The following SGCG variants were observed in gnomAD, a reference collection of about 807,000 sequenced individuals.
The protein encoded by SGCG is sarcoglycan gamma, also known as gamma-sarcoglycan.
Under a neutral mutation model 29.3 loss-of-function variants are expected in SGCG, and 26 were observed. That is an observed-to-expected ratio of 0.89 (90% CI 0.65 to 1.23). SGCG has a LOEUF of 1.23. Among genes scored for constraint, SGCG ranks in the 50% most tolerant of loss-of-function variants. The pLI, the probability that SGCG is intolerant of heterozygous loss-of-function variation, is 0.00. For synonymous variants in SGCG, 145 were observed against 129.7 expected (o/e 1.12, Z -0.80); for missense variants, 353 against 356.0 (o/e 0.99, Z 0.07).
chr13:23,168,979 C>G, the SGCG span, among the ~76,000 whole-genome samples: 1 of 151,858 alleles, frequency 6.6e-6, no homozygotes, highest in East Asian at 1.9e-4. Flanking sequence ...AATCATCATT[C>G]TTAGATTTGT....
intron 4 of SGCG, among the ~76,000 whole-genome samples, chr13:23,276,426 G>GTTTTTTTTTTTTT (rs757414154): frequency 1.5e-5 from 1 of 65,818 alleles, no homozygotes; most frequent in Non-Finnish European, 4.0e-5. Context: ...TTCTTTTTTA[G>GTTTTTTTTTTTTT]TTTTCTTTTT....
chr13:23,165,336 T>C, the SGCG span, among the ~76,000 whole-genome samples: 1 of 152,146 alleles, frequency 6.6e-6, no homozygotes, highest in Non-Finnish European at 1.5e-5. Context: ...TATTCTCAAG[T>C]CCATAATTAT....
rs752310028 is a variant in SGCG, at chr13:23,203,866, C to T, written c.172C>T (p.Leu58Phe). 1 of 1,612,782 alleles carries T rather than the reference C, an allele frequency of 6.2e-7. No homozygotes were observed. Among genetic ancestry groups the T allele is most frequent in the Non-Finnish European group, 8.5e-7 (1 of 1,178,738 alleles). The change falls in exon 2 of 8, where the codon CTT becomes TTT. Residue 58 changes from leucine (L) to phenylalanine (F), a missense_variant. By Grantham distance (22) the Leu-to-Phe change is conservative. Transcript: ENST00000218867. The stretch of plus-strand genomic sequence containing the variant: ...GAATTTAGCTCTTACAATTTGGATT[C>T]TTAAAGTGATGTGGTTTTCTCCAGT... ...VVNLALTIWI[L>F]KVMWFSPAGM...
At chr13:23,211,715 A>G (rs575502018) in intron 2 of SGCG, among the ~76,000 whole-genome samples, 1 of 152,218 alleles carries the variant, frequency 6.6e-6, no homozygotes. Flanking sequence ...TTACCTCTGC[A>G]GTCTTGTTCT....
At chr13:23,261,257 T>A (rs1216477380) in intron 4 of SGCG, among the ~76,000 whole-genome samples, 6 of 151,110 alleles carry the variant, frequency 4.0e-5, no homozygotes, top group South Asian at 2.1e-4. Flanking sequence ...ATTTTTTTTT[T>A]AATTTCAGTT....
chr13:23,256,884 G>A (rs1282727883), intron 4 of SGCG, among the ~76,000 whole-genome samples: 2 of 152,150 alleles, frequency 1.3e-5, no homozygotes, highest in African/African-American at 4.8e-5. Context: ...AATCTTTTGG[G>A]TATATACCCA....
At position 23,234,848 on chromosome 13, in the gene SGCG, A is replaced by C. The variant is rs951391736; in HGVS notation, c.297+136A>C. On this transcript the variant is annotated intron_variant, in intron 3 of 7. Transcript: ENST00000218867. ...ATATTCATGATATGCTCTTTATAAA[A>C]AGCTTGACTATTGCAGAATTTATCT... The C allele has an allele frequency of 1.1e-5, 7 of 658,814 alleles. No individual in the cohort carries two copies. The African/African-American group carries it at 1.3e-4, about 12-fold the overall frequency. The allele number at this position is 658,814 out of a possible 1,614,324, so 40.8% of individuals were successfully genotyped here. A position where few individuals can be genotyped will look rare whatever the true frequency, so the allele number is the denominator to read the frequency against.
intron 4 of SGCG, among the ~76,000 whole-genome samples, chr13:23,260,999 T>C (rs1321427852): frequency 6.6e-6 from 1 of 152,146 alleles, no homozygotes; most frequent in African/African-American, 2.4e-5. Flanking sequence ...TTGGTGAATC[T>C]GACAATTATG....
At chr13:23,209,781 G>T (rs1878123189) in intron 2 of SGCG, among the ~76,000 whole-genome samples, 1 of 152,192 alleles carries the variant, frequency 6.6e-6, no homozygotes, top group Non-Finnish European at 1.5e-5. Context: ...GATGGGTGAG[G>T]TGTATTAAAT....
intron 6 of SGCG, among the ~76,000 whole-genome samples, chr13:23,308,289 G>A (rs1487126722): frequency 1.3e-5 from 2 of 152,190 alleles, no homozygotes; most frequent in Non-Finnish European, 2.9e-5. Flanking sequence ...TTTTCATGTG[G>A]ATGTGAAGTA....
intron 1 of SGCG, among the ~76,000 whole-genome samples, chr13:23,202,282 T>C (rs998580038): frequency 5.9e-5 from 9 of 152,120 alleles, no homozygotes; most frequent in African/African-American, 2.2e-4. Context: ...TTACTGACAT[T>C]TTACACATTG....
chr13:23,292,887 G>A lies in SGCG; in HGVS notation c.506-2528G>A, dbSNP rs12430938. Reference sequence around the variant, plus strand: ...AGCATAGCTCTGCTTGTCTTCTTGGGAATTGACTTGAGGTGTATTAAAATT... The same window carrying A: ...AGCATAGCTCTGCTTGTCTTCTTGGAAATTGACTTGAGGTGTATTAAAATT... On this transcript the variant is annotated intron_variant, in intron 5 of 7. Coordinates refer to ENST00000218867, the MANE Select transcript of SGCG (RefSeq NM_000231.3). Among the ~76,000 whole-genome samples, 430 of 152,250 alleles carry A rather than the reference G, an allele frequency of 2.8e-3. 5 individuals carry two copies. Among genetic ancestry groups the A allele is most frequent in the East Asian group, 0.027 (138 of 5,188 alleles).
At chr13:23,278,814 G>A (rs1212041203) in intron 4 of SGCG, among the ~76,000 whole-genome samples, 1 of 152,214 alleles carries the variant, frequency 6.6e-6, no homozygotes, top group African/African-American at 2.4e-5. Flanking sequence ...AATGTCTTAG[G>A]GGAAGGGCAA....
At chr13:23,316,942 C>T (rs1025306818) in intron 6 of SGCG, among the ~76,000 whole-genome samples, 1 of 152,124 alleles carries the variant, frequency 6.6e-6, no homozygotes, top group African/African-American at 2.4e-5. Flanking sequence ...CGCGGTGGCT[C>T]ATGCCTGTAA....
chr13:23,280,543 C>T lies in SGCG; in HGVS notation c.505+1065C>T, dbSNP rs536107935. ...TTGTTACTAAAATGAAGGACACTAGCGCATTTAATTAACGGAAATTGGTAA... is the reference window on the plus strand; with the variant it reads ...TTGTTACTAAAATGAAGGACACTAGTGCATTTAATTAACGGAAATTGGTAA... On this transcript the variant is annotated intron_variant, in intron 5 of 7. Transcript: ENST00000218867. Among the ~76,000 whole-genome samples the T allele has an allele frequency of 4.3e-4, 65 of 152,286 alleles. 1 individual carries two copies. The highest frequency in any genetic ancestry group is 1.0e-3 in the South Asian group (5 of 4,832).
rs1454927116 is a variant in SGCG, at chr13:23,203,898, C to A, written c.195+9C>A. The A allele has an allele frequency of 6.4e-7, 1 of 1,570,440 alleles. No homozygotes were observed. The highest frequency in any genetic ancestry group is 8.8e-7 in the Non-Finnish European group (1 of 1,140,240). On this transcript the variant is annotated intron_variant, in intron 2 of 7. Coordinates refer to ENST00000218867, the MANE Select transcript of SGCG (RefSeq NM_000231.3). ...TGATGTGGTTTTCTCCAGTAAGTAT[C>A]ATTATTTTCTGGTAAGCATGTTCTT...
chr13:23,278,505 T>C (rs1211478787), intron 4 of SGCG, among the ~76,000 whole-genome samples: 1 of 151,370 alleles, frequency 6.6e-6, no homozygotes, highest in Non-Finnish European at 1.5e-5. Context: ...CCTAATTTCT[T>C]AAGTAGATGA....
chr13:23,199,315 A>T (rs1565996595), intron 1 of SGCG, among the ~76,000 whole-genome samples: 1 of 152,238 alleles, frequency 6.6e-6, no homozygotes, highest in Non-Finnish European at 1.5e-5. Context: ...TATGTTTTGT[A>T]AAGGGTTTAT....
At chr13:23,315,363 A>AT (rs570470539) in intron 6 of SGCG, among the ~76,000 whole-genome samples, 2 of 152,206 alleles carry the variant, frequency 1.3e-5, no homozygotes, top group South Asian at 4.1e-4. Context: ...TGTGGTATAT[A>AT]TGCGATCGTG....
Sources: allele counts gnomAD v4.1 joint callset (sites outside exome capture counted in the v4.1 genomes callset), GRCh38; gene constraint gnomAD v4.1.1; transcripts MANE v1.5; gene names NCBI Gene and HGNC (gene_info 2026-07-23, HGNC 2026-07-21).